Variants in CTIF observed in about 807,000 individuals in gnomAD.
The protein encoded by CTIF is CBP80/20-dependent translation initiation factor.
Under a neutral mutation model 66.0 loss-of-function variants are expected in CTIF, and 21 were observed. The ratio of observed to expected loss-of-function variants is 0.32; its 90% CI spans 0.23 to 0.46. The LOEUF is 0.46. Among genes scored for constraint, CTIF ranks in the 20% least tolerant of loss-of-function variants. The pLI, the probability that CTIF is intolerant of heterozygous loss-of-function variation, is 1.00. For synonymous variants in CTIF, 345 were observed against 326.4 expected (o/e 1.06, Z -0.62); for missense variants, 739 against 812.7 (o/e 0.91, Z 1.10).
intron 8 of CTIF, among the ~76,000 whole-genome samples, chr18:48,758,636 A>G (rs995447128): frequency 1.3e-5 from 2 of 152,144 alleles, no homozygotes; most frequent in African/African-American, 4.8e-5. Context: ...TCACCTTCCA[A>G]ACTCCAAGAG....
chr18:48,843,263 C>T (rs753846398), intron 10 of CTIF, among the ~76,000 whole-genome samples: 1 of 152,070 alleles, frequency 6.6e-6, no homozygotes, highest in Non-Finnish European at 1.5e-5. Flanking sequence ...CTGCCCAGTG[C>T]GGGGCTGGGC....
intron 7 of CTIF, among the ~76,000 whole-genome samples, chr18:48,748,068 A>G (rs900162832): frequency 6.6e-6 from 1 of 152,164 alleles, no homozygotes; most frequent in African/African-American, 2.4e-5. Flanking sequence ...TTGACGAATT[A>G]AAATGCCCAA....
intron 1 of CTIF, among the ~76,000 whole-genome samples, chr18:48,616,596 C>G (rs2090404766): frequency 6.6e-6 from 1 of 152,196 alleles, no homozygotes; most frequent in African/African-American, 2.4e-5. Context: ...GTTTTCTCTT[C>G]TAAGTAGCAT....
chr18:48,672,827 C>T (rs763192854), intron 6 of CTIF, among the ~76,000 whole-genome samples: 3 of 152,178 alleles, frequency 2.0e-5, no homozygotes, highest in African/African-American at 2.4e-5. Flanking sequence ...GTTCGGACTC[C>T]TTAGCAGGCA....
In CTIF at chr18:48,813,008, TG is replaced by T. The variant is rs200351775; in HGVS notation, c.1372-4212del. Among the ~76,000 whole-genome samples the T allele has an allele frequency of 9.8e-3, 1,492 of 152,228 alleles. 11 individuals are homozygous for T. The highest frequency in any genetic ancestry group is 0.011 in the African/African-American group (444 of 41,536). The stretch of plus-strand genomic sequence containing the variant: ...CTATCTTCTCTATCGTTTTTCTTTT[TG>T]TTTCTAGTCTATTTATCTTTGTATT... On this transcript the variant is annotated intron_variant, in intron 9 of 11. Coordinates refer to ENST00000256413, the MANE Select transcript of CTIF (RefSeq NM_014772.3).
chr18:48,818,954 C>A (rs565442127), intron 10 of CTIF, among the ~76,000 whole-genome samples: 1 of 152,156 alleles, frequency 6.6e-6, no homozygotes, highest in South Asian at 2.1e-4. Context: ...CAAGGGGCAT[C>A]TTTATGGTTT....
intron 1 of CTIF, among the ~76,000 whole-genome samples, chr18:48,542,851 T>C (rs2088652507): frequency 6.6e-6 from 1 of 152,190 alleles, no homozygotes; most frequent in Non-Finnish European, 1.5e-5. Context: ...AGAGGTATGT[T>C]CTTCTGTGGA....
At chr18:48,645,251 G>A (rs2091005600) in intron 3 of CTIF, among the ~76,000 whole-genome samples, 1 of 88,340 alleles carries the variant, frequency 1.1e-5, no homozygotes, top group African/African-American at 4.0e-5. Flanking sequence ...CCCATACTTG[G>A]CACTAGGAAA....
At chr18:48,827,256 T>C (rs1435189964) in intron 10 of CTIF, among the ~76,000 whole-genome samples, 3 of 152,206 alleles carry the variant, frequency 2.0e-5, no homozygotes, top group African/African-American at 7.2e-5. Context: ...GCTACTTCCT[T>C]ATTAAACTGG....
rs1228730814 is a variant in CTIF, at chr18:48,559,741, C to T, written c.-29+20429C>T. Among the ~76,000 whole-genome samples the T allele has an allele frequency of 2.0e-5, 3 of 152,060 alleles. No homozygotes were observed. The East Asian group carries it at 5.8e-4, about 29-fold the overall frequency. ...CTTGGGCTTCCTCAAAGCATGGTGG[C>T]TGGGTTTGAAAAGTTAATCCCAATG... On this transcript the variant is annotated intron_variant, in intron 1 of 11. Coordinates refer to ENST00000256413, the MANE Select transcript of CTIF (RefSeq NM_014772.3).
chr18:48,582,476 C>T (rs1175426282), intron 1 of CTIF, among the ~76,000 whole-genome samples: 1 of 152,118 alleles, frequency 6.6e-6, no homozygotes, highest in Non-Finnish European at 1.5e-5. Flanking sequence ...ATGAGGGCGT[C>T]TTTGTTGCCT....
At position 48,861,680 on chromosome 18, in the gene CTIF, A is replaced by G. The variant is rs1599186163; in HGVS notation, c.*2121A>G. ...CAGGGGAGTGGGGTCTCCCAGACCCAACGGTGAGCTCAGAGCAAGCTTCAC... is the reference window on the plus strand; with the variant it reads ...CAGGGGAGTGGGGTCTCCCAGACCCGACGGTGAGCTCAGAGCAAGCTTCAC... On this transcript the variant is annotated 3_prime_UTR_variant, in exon 12 of 12. Coordinates refer to ENST00000256413, the MANE Select transcript of CTIF (RefSeq NM_014772.3). The G allele has an allele frequency of 6.6e-6, 1 of 152,376 alleles. No individual in the cohort carries two copies. Among genetic ancestry groups the G allele is most frequent in the Non-Finnish European group, 1.5e-5 (1 of 68,148 alleles). The allele number at this position is 152,376 out of a possible 1,614,324, so 9.4% of individuals were successfully genotyped here.
At chr18:48,567,609 C>T (rs1478974540) in intron 1 of CTIF, 6 of 152,214 alleles carry the variant, frequency 3.9e-5, no homozygotes, top group Admixed American at 2.6e-4. Context: ...ATGGAAATAA[C>T]TCAGTAAGAG....
intron 7 of CTIF, among the ~76,000 whole-genome samples, chr18:48,713,626 G>C (rs1317972996): frequency 6.6e-6 from 1 of 152,186 alleles, no homozygotes; most frequent in Non-Finnish European, 1.5e-5. Flanking sequence ...GATTAAAGGG[G>C]TGGAAAGTAT....
chr18:48,682,161 A>T (rs531865448), intron 6 of CTIF, among the ~76,000 whole-genome samples: 3 of 152,050 alleles, frequency 2.0e-5, no homozygotes, highest in Non-Finnish European at 4.4e-5. Flanking sequence ...GACTTTTCCA[A>T]TGCGTTAGTT....
At chr18:48,618,413 TA>T (rs540838946) in intron 1 of CTIF, among the ~76,000 whole-genome samples, 117 of 152,330 alleles carry the variant, frequency 7.7e-4, no homozygotes, top group African/African-American at 2.8e-3. Context: ...GTTGTGATAC[TA>T]AAAGCATGTG....
chr18:48,636,694 C>T lies in CTIF; in HGVS notation c.252+9C>T. On this transcript the variant is annotated intron_variant, in intron 3 of 11. Coordinates refer to ENST00000256413, the MANE Select transcript of CTIF (RefSeq NM_014772.3). ...GAGCCCCCCCACAGCAGGTAGGGAA[C>T]CAGCTCTGCGCTCTGTCTGGGGGTG... 6.3e-7 allele frequency: 1 copy of T among 1,588,392 alleles called. No individual in the cohort carries two copies. Among genetic ancestry groups the T allele is most frequent in the Non-Finnish European group, 8.5e-7 (1 of 1,169,668 alleles).
intron 10 of CTIF, among the ~76,000 whole-genome samples, chr18:48,819,543 G>A (rs1481982800): frequency 6.6e-6 from 1 of 152,130 alleles, no homozygotes; most frequent in African/African-American, 2.4e-5. Context: ...TTTTAACACC[G>A]CCTGAGGTAG....
intron 1 of CTIF, among the ~76,000 whole-genome samples, chr18:48,593,426 G>A (rs1390306838): frequency 6.7e-6 from 1 of 150,272 alleles, no homozygotes; most frequent in Admixed American, 6.6e-5. Flanking sequence ...TGTCGCCCAG[G>A]CCAGAGTGCA....
Sources: allele counts gnomAD v4.1 joint callset (sites outside exome capture counted in the v4.1 genomes callset), GRCh38; gene constraint gnomAD v4.1.1; transcripts MANE v1.5; gene names NCBI Gene and HGNC (gene_info 2026-07-23, HGNC 2026-07-21).